Variants in PTPRM observed in about 807,000 individuals in gnomAD.
PTPRM encodes protein tyrosine phosphatase receptor type M.
In PTPRM, 47 loss-of-function variants were observed where a neutral mutation model predicts 186.7. That is an observed-to-expected ratio of 0.25 (90% CI 0.20 to 0.32). PTPRM has a LOEUF of 0.32. PTPRM is among the 10% of genes least tolerant of loss of function. PTPRM has a pLI of 1.00. For missense variants in PTPRM, 1,494 were observed against 1,865.0 expected (o/e 0.80, Z 3.66); for synonymous variants, 668 against 674.9 (o/e 0.99, Z 0.16).
At chr18:8,345,721 A>G (rs933933386) in intron 23 of PTPRM, among the ~76,000 whole-genome samples, 2 of 151,676 alleles carry the variant, frequency 1.3e-5, no homozygotes, top group Non-Finnish European at 2.9e-5. Flanking sequence ...GAGAACAGAA[A>G]AGAAAACTTG....
intron 7 of PTPRM, among the ~76,000 whole-genome samples, chr18:8,047,208 G>A (rs974690685): frequency 1.4e-4 from 21 of 152,106 alleles, no homozygotes; most frequent in Admixed American, 1.2e-3. Flanking sequence ...GATGGCAAAT[G>A]AATGCTTTAC....
intron 14 of PTPRM, among the ~76,000 whole-genome samples, chr18:8,223,579 T>C (rs188304861): frequency 1.2e-3 from 188 of 152,302 alleles, no homozygotes; most frequent in Non-Finnish European, 2.3e-3. Context: ...CCATCCGCAG[T>C]GCAGCATGCC....
At chr18:8,036,156 A>G (rs369081169) in intron 7 of PTPRM, among the ~76,000 whole-genome samples, 15 of 152,214 alleles carry the variant, frequency 9.9e-5, no homozygotes, top group African/African-American at 7.2e-5. Flanking sequence ...AGCTCCTCAC[A>G]TGGCGTCGGG....
chr18:7,883,795 TATAGTAGGACC>T (rs2048626667), intron 2 of PTPRM, among the ~76,000 whole-genome samples: 1 of 152,182 alleles, frequency 6.6e-6, no homozygotes, highest in Non-Finnish European at 1.5e-5. Flanking sequence ...TTAGGTGAAT[TATAGTAGGACC>T]AGGAGAGTTG....
intron 13 of PTPRM, among the ~76,000 whole-genome samples, chr18:8,120,492 C>CT (rs199835832): frequency 0.11 from 15,334 of 136,530 alleles, 1,128 homozygotes; most frequent in African/African-American, 0.21. Context: ...TTCTTTCTTT[C>CT]TTTTTTTTTT....
intron 1 of PTPRM, among the ~76,000 whole-genome samples, chr18:7,768,595 C>A (rs2042124318): frequency 6.6e-6 from 1 of 151,990 alleles, no homozygotes; most frequent in East Asian, 1.9e-4. Context: ...CTTATAGTAG[C>A]CCACGAAGTC....
At chr18:8,401,261 T>C (rs888350365) in intron 32 of PTPRM, among the ~76,000 whole-genome samples, 1 of 152,094 alleles carries the variant, frequency 6.6e-6, no homozygotes, top group Non-Finnish European at 1.5e-5. Context: ...GAACTGGGCA[T>C]GGATTTTGCA....
chr18:8,339,170 T>G (rs1646586554), intron 22 of PTPRM, among the ~76,000 whole-genome samples: 1 of 151,832 alleles, frequency 6.6e-6, no homozygotes, highest in Admixed American at 6.6e-5. Flanking sequence ...AAGGTTAATG[T>G]TTTTTATTGA....
chr18:7,706,212 T>C (rs1213345296), intron 1 of PTPRM, among the ~76,000 whole-genome samples: 1 of 151,656 alleles, frequency 6.6e-6, no homozygotes, highest in Non-Finnish European at 1.5e-5. Context: ...CATGAGAGTG[T>C]TAGAAGTGAC....
chr18:8,370,290 T>C (rs1191656213), intron 23 of PTPRM, among the ~76,000 whole-genome samples: 1 of 152,144 alleles, frequency 6.6e-6, no homozygotes, highest in African/African-American at 2.4e-5. Flanking sequence ...GCCCCTTGCA[T>C]GCAAAATTCT....
At chr18:8,113,893 CTT>C (rs749826190) in intron 12 of PTPRM, 134 bp downstream of exon 12, 2 of 975,554 alleles carry the variant, frequency 2.1e-6, no homozygotes, top group East Asian at 2.6e-5. Flanking sequence ...ATTTTCTTCT[CTT>C]AAAATTATTT....
intron 17 of PTPRM, among the ~76,000 whole-genome samples, chr18:8,248,550 C>CA (rs1317298992): frequency 3.3e-5 from 5 of 152,268 alleles, no homozygotes; most frequent in African/African-American, 1.2e-4. Flanking sequence ...GTGTGATAGT[C>CA]ATAAAAGTGA....
chr18:7,931,094 A>G (rs1440449253), intron 5 of PTPRM, among the ~76,000 whole-genome samples: 2 of 152,054 alleles, frequency 1.3e-5, no homozygotes, highest in Non-Finnish European at 2.9e-5. Context: ...GTATCGAAAA[A>G]CCTATATGCA....
intron 31 of PTPRM, among the ~76,000 whole-genome samples, chr18:8,390,899 G>A (rs1195148114): frequency 6.6e-6 from 1 of 151,294 alleles, no homozygotes; most frequent in Non-Finnish European, 1.5e-5. Context: ...CTGCACTCTA[G>A]CCTGGGCGAC....
chr18:8,373,706 A>G lies in PTPRM; in HGVS notation c.3172-2340A>G, dbSNP rs1304719563. ...AAGCACCCACTTCAGGCCAGGGACTATTGTATGACTTGGATCAAAATTAAG... is the reference window on the plus strand; with the variant it reads ...AAGCACCCACTTCAGGCCAGGGACTGTTGTATGACTTGGATCAAAATTAAG... On this transcript the variant is annotated intron_variant, in intron 24 of 32. Transcript: ENST00000580170. Among the ~76,000 whole-genome samples, 8 of 152,182 alleles carry G rather than the reference A, an allele frequency of 5.3e-5. No individual in the cohort carries two copies. The East Asian group carries it at 1.3e-3, about 26-fold the overall frequency.
chr18:8,217,206 G>A (rs1050404573), intron 14 of PTPRM, among the ~76,000 whole-genome samples: 2 of 152,170 alleles, frequency 1.3e-5, no homozygotes, highest in African/African-American at 2.4e-5. Context: ...CAGAGAGTAC[G>A]CATCCTCCTG....
At chr18:7,832,900 G>A (rs1424749928) in intron 2 of PTPRM, among the ~76,000 whole-genome samples, 1 of 151,994 alleles carries the variant, frequency 6.6e-6, no homozygotes, top group Non-Finnish European at 1.5e-5. Context: ...ATATGTTCTT[G>A]GCACCTTTGT....
At chr18:8,379,051 G>T in intron 27 of PTPRM, 116 bp from the exon 28 acceptor site, 2 of 786,030 alleles carry the variant, frequency 2.5e-6, no homozygotes, top group Non-Finnish European at 3.8e-6. Context: ...GGGAGGGAGG[G>T]GGAAGGGACC....
At chr18:8,296,081 G>A (rs960585473) in intron 19 of PTPRM, among the ~76,000 whole-genome samples, 1 of 152,146 alleles carries the variant, frequency 6.6e-6, no homozygotes, top group Non-Finnish European at 1.5e-5. Context: ...GCTGAGATGG[G>A]GATGAACATG....
Sources: gnomAD v4.1 joint callset for allele counts (sites outside exome capture counted in the v4.1 genomes callset) on GRCh38, gnomAD v4.1.1 for gene constraint, MANE v1.5 for transcripts, NCBI Gene and HGNC (gene_info 2026-07-23, HGNC 2026-07-21) for gene names.